Variants in FBH1 observed in about 807,000 individuals in gnomAD.
FBH1 encodes F-box DNA helicase 1, also known as DNA 3'-5' helicase 1.
A neutral mutation model predicts 115.5 loss-of-function variants in FBH1; 43 were observed. The ratio of observed to expected loss-of-function variants is 0.37; its 90% CI spans 0.29 to 0.48. FBH1 has a LOEUF of 0.48. Ranked by LOEUF, FBH1 falls within the 20% of genes least tolerant of loss-of-function variation. The pLI, the probability that FBH1 is intolerant of heterozygous loss-of-function variation, is 0.99. For missense variants in FBH1, 1,001 were observed against 1,337.3 expected (o/e 0.75, Z 3.92); for synonymous variants, 524 against 507.8 (o/e 1.03, Z -0.43).
At chr10:5,907,409 T>C (rs1426814882) in intron 3 of FBH1, among the ~76,000 whole-genome samples, 1 of 152,122 alleles carries the variant, frequency 6.6e-6, no homozygotes, top group Non-Finnish European at 1.5e-5. Flanking sequence ...ATTTTCTACT[T>C]TTCTTTGTGA....
intron 3 of FBH1, among the ~76,000 whole-genome samples, chr10:5,907,778 G>C (rs1033498907): frequency 1.3e-5 from 2 of 152,114 alleles, no homozygotes; most frequent in Non-Finnish European, 2.9e-5. Flanking sequence ...CTGGGCAAGG[G>C]TATGTTGTTT....
At position 5,924,849 on chromosome 10, in the gene FBH1, AGCCACTGC is replaced by A; in HGVS notation, c.2596+345_2596+352del. 2.3e-6 allele frequency: 1 copy of A among 425,742 alleles called. No homozygotes were observed. 26.4% of individuals were successfully genotyped at this position (425,742 alleles called of 1,614,324 possible). A position where few individuals can be genotyped will look rare whatever the true frequency, so the allele number is the denominator to read the frequency against. On this transcript the variant is annotated intron_variant, in intron 17 of 20. Transcript: ENST00000362091. The surrounding 1 kb of genome is among the most constrained non-coding windows in gnomAD (Gnocchi z 6.2). ...CCAAAGTGCTAGAATTACAGGCGTG[AGCCACTGC>A]GCCCAGCCTCTTCTGCTGTTTCTTC...
At chr10:5,904,286 G>A (rs1239323347) in intron 2 of FBH1, among the ~76,000 whole-genome samples, 2 of 152,040 alleles carry the variant, frequency 1.3e-5, no homozygotes, top group Non-Finnish European at 2.9e-5. Context: ...ACCTGCTTCC[G>A]CCTCTCAAAC....
Position 5,913,262 on chromosome 10 carries a change from C to A in FBH1, c.1212-485C>A, listed in dbSNP as rs1158590564. Among the ~76,000 whole-genome samples, 1 of 152,080 alleles carries A rather than the reference C, an allele frequency of 6.6e-6. No homozygotes were observed. The highest frequency in any genetic ancestry group is 6.5e-5 in the Admixed American group (1 of 15,270). On this transcript the variant is annotated intron_variant, in intron 6 of 20. Coordinates refer to ENST00000362091, the MANE Select transcript of FBH1 (RefSeq NM_178150.3). This position sits in a 1 kb window ranked among gnomAD's most constrained non-coding sequence, Gnocchi z 4.4. ...ATAGTGTAGTCCCTTTTCTTGGGAC[C>A]TTAAAAGATAGAATGTGTTCATGCG... is the stretch of plus-strand genomic sequence containing the variant.
rs951451313 is a variant in FBH1 at position 5,936,276 on chromosome 10, G to A, written c.2830-180G>A. The A allele has an allele frequency of 5.9e-5, 31 of 522,052 alleles. No individual in the cohort carries two copies. The highest frequency in any genetic ancestry group is 1.1e-4 in the African/African-American group (6 of 52,600). The allele number at this position is 522,052 out of a possible 1,614,324, so 32.3% of individuals were successfully genotyped here. A position where few individuals can be genotyped will look rare whatever the true frequency, so the allele number is the denominator to read the frequency against. Reference sequence around the variant, plus strand: ...CAATTGGACTGTCAGTTGGACTGTCGATAGCTTTGGAGGCAGGGAAAAGTT... The same window carrying A: ...CAATTGGACTGTCAGTTGGACTGTCAATAGCTTTGGAGGCAGGGAAAAGTT... On this transcript the variant is annotated intron_variant, in intron 19 of 20. Transcript: ENST00000362091. The surrounding 1 kb of genome is among the most constrained non-coding windows in gnomAD (Gnocchi z 5.6).
In FBH1 at chr10:5,913,924, T is replaced by C. The variant is rs1411828585; in HGVS notation, c.1304+85T>C. The C allele has an allele frequency of 1.0e-5, 11 of 1,074,646 alleles. No homozygotes were observed. The highest frequency in any genetic ancestry group is 8.0e-5 in the African/African-American group (5 of 62,302). The allele number at this position is 1,074,646 out of a possible 1,614,324, so 66.6% of individuals were successfully genotyped here. ...AGGAGGGAGATGTTTTGCTTCACTTTAGCAACATCATTGAGGTTAATAATG... is the reference window on the plus strand; with the variant it reads ...AGGAGGGAGATGTTTTGCTTCACTTCAGCAACATCATTGAGGTTAATAATG... On this transcript the variant is annotated intron_variant, in intron 7 of 20. Coordinates refer to ENST00000362091, the MANE Select transcript of FBH1 (RefSeq NM_178150.3). This position sits in a 1 kb window ranked among gnomAD's most constrained non-coding sequence, Gnocchi z 4.4.
At chr10:5,937,040 A>G in intron 20 of FBH1, 70 bp from the exon 21 acceptor site, 1 of 1,497,556 alleles carries the variant, frequency 6.7e-7, no homozygotes, top group Admixed American at 2.1e-5. Context: ...TGATAACTCC[A>G]TGCTTTTTGC....
chr10:5,890,237 C>A (rs145906182), upstream of FBH1: 13,192 of 358,752 alleles, frequency 0.037, 347 homozygotes, highest in Non-Finnish European at 0.049. Context: ...GCGTCTCGGG[C>A]TCCAGGTCCC....
At position 5,935,291 on chromosome 10, in the gene FBH1, G is replaced by C. The variant is rs548934180; in HGVS notation, c.2830-1165G>C. 6.6e-6 allele frequency: 1 copy of C among 152,286 alleles called. No homozygotes were observed. Among genetic ancestry groups the C allele is most frequent in the South Asian group, 2.1e-4 (1 of 4,824 alleles). The allele number at this position is 152,286 out of a possible 1,614,324, so 9.4% of individuals were successfully genotyped here. On this transcript the variant is annotated intron_variant, in intron 19 of 20. Transcript: ENST00000362091. This position sits in a 1 kb window ranked among gnomAD's most constrained non-coding sequence, Gnocchi z 5.2. ...ACCGAGTAACCACAGCAAGGGAATGGGTAAATGAAATACAAGAGAGCGCTG... is the reference window on the plus strand; with the variant it reads ...ACCGAGTAACCACAGCAAGGGAATGCGTAAATGAAATACAAGAGAGCGCTG...
rs1344106289 is a variant in FBH1, at chr10:5,913,366, G to A, written c.1212-381G>A. Among the ~76,000 whole-genome samples the A allele has an allele frequency of 6.6e-6, 1 of 152,028 alleles. No homozygotes were observed. The highest frequency in any genetic ancestry group is 2.4e-5 in the African/African-American group (1 of 41,392). Reference sequence around the variant, plus strand: ...AAAGAGGCTGGTGTTTTATCCACAGGTGTAGTAAGTATCATTCAAACAAGA... The same window carrying A: ...AAAGAGGCTGGTGTTTTATCCACAGATGTAGTAAGTATCATTCAAACAAGA... On this transcript the variant is annotated intron_variant, in intron 6 of 20. Transcript: ENST00000362091. The surrounding 1 kb of genome is among the most constrained non-coding windows in gnomAD (Gnocchi z 4.4).
chr10:5,891,229 T>A, intron 1 of FBH1: 1 of 950,320 alleles, frequency 1.1e-6, no homozygotes, highest in Admixed American at 6.2e-5. Context: ...AATGGGCCCA[T>A]GAAGATAAGT....
At position 5,936,427 on chromosome 10, in the gene FBH1, G is replaced by T; in HGVS notation, c.2830-29G>T. The T allele has an allele frequency of 6.2e-7, 1 of 1,610,142 alleles. No individual in the cohort carries two copies. Among genetic ancestry groups the T allele is most frequent in the South Asian group, 1.1e-5 (1 of 90,794 alleles). On this transcript the variant is annotated intron_variant, in intron 19 of 20. Coordinates refer to ENST00000362091, the MANE Select transcript of FBH1 (RefSeq NM_178150.3). This position sits in a 1 kb window ranked among gnomAD's most constrained non-coding sequence, Gnocchi z 5.6. Reference sequence around the variant, plus strand: ...TAGACCCTAACGGAGGTGTCGCCATGACTCTCTTTCTCGCTCTTTCTTTCT... The same window carrying T: ...TAGACCCTAACGGAGGTGTCGCCATTACTCTCTTTCTCGCTCTTTCTTTCT...
At chr10:5,930,279 T>G (rs746966595) in intron 19 of FBH1, among the ~76,000 whole-genome samples, 3 of 152,232 alleles carry the variant, frequency 2.0e-5, no homozygotes, top group Non-Finnish European at 4.4e-5. Flanking sequence ...TACAGTTGAT[T>G]TGTTCAAGTC....
rs1564458505 is a variant in FBH1 at position 5,924,533 on chromosome 10, CT to C, written c.2596+27del. ...GGTAAGGGAAGCAGTTGGTTTTTAC[CT>C]TCCCCCTAAGAGGAGGAACAGATGG... On this transcript the variant is annotated intron_variant, in intron 17 of 20. Coordinates refer to ENST00000362091, the MANE Select transcript of FBH1 (RefSeq NM_178150.3). This position sits in a 1 kb window ranked among gnomAD's most constrained non-coding sequence, Gnocchi z 6.2. 11 of 1,608,772 alleles carry C rather than the reference CT, an allele frequency of 6.8e-6. No homozygotes were observed. The highest frequency in any genetic ancestry group is 9.4e-6 in the Non-Finnish European group (11 of 1,176,440).
intron 1 of FBH1, among the ~76,000 whole-genome samples, chr10:5,896,925 A>G (rs887325482): frequency 6.6e-6 from 1 of 152,216 alleles, no homozygotes; most frequent in African/African-American, 2.4e-5. Flanking sequence ...AAGAAGTAGC[A>G]TTTGAGCATT....
In FBH1 at chr10:5,900,046, C is replaced by T. The variant is rs1843244176; in HGVS notation, c.2-2974C>T. On this transcript the variant is annotated intron_variant, in intron 1 of 20. Transcript: ENST00000362091. The surrounding 1 kb of genome is among the most constrained non-coding windows in gnomAD (Gnocchi z 4.2). ...CAAAGTGGAGGGGGTGTTTGCTTTT[C>T]TGTTCATAATAAGCGAGACATGTTA... Among the ~76,000 whole-genome samples, 1 of 152,150 alleles carries T rather than the reference C, an allele frequency of 6.6e-6. No homozygotes were observed. Among genetic ancestry groups the T allele is most frequent in the Non-Finnish European group, 1.5e-5 (1 of 68,022 alleles).
chr10:5,922,261 C>A (rs1337532127), intron 15 of FBH1, among the ~76,000 whole-genome samples: 6 of 151,974 alleles, frequency 3.9e-5, no homozygotes, highest in African/African-American at 1.5e-4. Flanking sequence ...AATTTTGGAA[C>A]CTAAAAAAAG....
chr10:5,925,246 A>G lies in FBH1; in HGVS notation c.2597-121A>G, dbSNP rs1832574043. On this transcript the variant is annotated intron_variant, in intron 17 of 20. Transcript: ENST00000362091. The surrounding 1 kb of genome is among the most constrained non-coding windows in gnomAD (Gnocchi z 4.6). The stretch of plus-strand genomic sequence containing the variant: ...GTTTCCTCTTTCCCCCTTTTCCTAC[A>G]AAACTGCACTGAGGCAAGAAATGTT... 4.9e-6 allele frequency: 6 copies of G among 1,231,684 alleles called. No individual in the cohort carries two copies. Among genetic ancestry groups the G allele is most frequent in the Non-Finnish European group, 6.8e-6 (6 of 884,870 alleles). The allele number at this position is 1,231,684 out of a possible 1,614,324, so 76.3% of individuals were successfully genotyped here. A position where few individuals can be genotyped will look rare whatever the true frequency, so the allele number is the denominator to read the frequency against.
chr10:5,925,623 C>G lies in FBH1; in HGVS notation c.2722+131C>G, dbSNP rs903234520. 1.6e-6 allele frequency: 2 copies of G among 1,273,698 alleles called. No homozygotes were observed. The highest frequency in any genetic ancestry group is 4.7e-5 in the East Asian group (2 of 42,622). The allele number at this position is 1,273,698 out of a possible 1,614,324, so 78.9% of individuals were successfully genotyped here. ...GTAGGGCACTTCTGGAAAAACTAAA[C>G]CACAAAACACCTCCTAGTCCTAAAC... On this transcript the variant is annotated intron_variant, in intron 18 of 20. Coordinates refer to ENST00000362091, the MANE Select transcript of FBH1 (RefSeq NM_178150.3). This position sits in a 1 kb window ranked among gnomAD's most constrained non-coding sequence, Gnocchi z 4.6.
Sources: gnomAD v4.1 joint callset for allele counts (sites outside exome capture counted in the v4.1 genomes callset) on GRCh38, gnomAD v4.1.1 for gene constraint, Gnocchi (gnomAD v3.1) non-coding constraint, MANE v1.5 for transcripts, NCBI Gene and HGNC (gene_info 2026-07-23, HGNC 2026-07-21) for gene names.